Variants in RBFOX1 observed in about 807,000 individuals in gnomAD.
RBFOX1 encodes RNA binding fox-1 homolog 1, also known as RNA binding protein fox-1 homolog 1.
RBFOX1 carries 8 observed loss-of-function variants against 57.7 expected under a neutral mutation model. The ratio of observed to expected loss-of-function variants is 0.14; its 90% CI spans 0.08 to 0.25. The LOEUF (loss-of-function observed/expected upper bound fraction) is 0.25, where lower values mean the gene tolerates loss of function less well. RBFOX1 is among the 10% of genes least tolerant of loss of function. The pLI, the probability that RBFOX1 is intolerant of heterozygous loss-of-function variation, is 1.00. For missense variants in RBFOX1, 611 were observed against 548.5 expected, an observed-to-expected ratio of 1.11 and a Z score of -1.14; for synonymous variants, 326 against 222.4, an observed-to-expected ratio of 1.47 and a Z score of -4.15.
rs147997035 is a variant in RBFOX1, at chr16:7,277,013, C to G, written c.27+224915C>G. Among the ~76,000 whole-genome samples, 798 of 152,276 alleles carry G rather than the reference C, an allele frequency of 5.2e-3. 10 individuals carry two copies. Among genetic ancestry groups the G allele is most frequent in the African/African-American group, 0.018 (747 of 41,548 alleles). ...AGATGGTATAACTTTGCGTCTTTTT[C>G]AAGTTATTTTTACAGAAAGAAATGA... On this transcript the variant is annotated intron_variant, in intron 4 of 15. Coordinates refer to ENST00000550418, the MANE Select transcript of RBFOX1 (RefSeq NM_018723.4).
chr16:5,784,680 A>C (rs963980461), intron 3 of RBFOX1, among the ~76,000 whole-genome samples: 3 of 152,168 alleles, frequency 2.0e-5, no homozygotes, highest in Non-Finnish European at 4.4e-5. Context: ...ACACAGATCG[A>C]AATCATGTCA....
In RBFOX1 at chr16:7,518,133, T is replaced by C; in HGVS notation, c.28-14T>C. ...TGACGTTCTCTCCCTCTCTGCACCT[T>C]TTTGATTTTTCAGGGTAATCAGGAA... On this transcript the variant is annotated splice_polypyrimidine_tract_variant and intron_variant, in intron 4 of 15. Transcript: ENST00000550418. The C allele has an allele frequency of 6.2e-7, 1 of 1,605,508 alleles. No homozygotes were observed. Among genetic ancestry groups the C allele is most frequent in the Non-Finnish European group, 8.5e-7 (1 of 1,175,400 alleles).
At chr16:5,478,599 C>A (rs1435951738) in intron 2 of RBFOX1, among the ~76,000 whole-genome samples, 1 of 152,152 alleles carries the variant, frequency 6.6e-6, no homozygotes, top group Admixed American at 6.5e-5. Context: ...TCTAATATGA[C>A]CCCCCAAGAT....
Position 5,649,603 on chromosome 16 carries a change from C to T in RBFOX1, c.318+50642C>T, listed in dbSNP as rs143129599. 1.2e-4 allele frequency among the ~76,000 whole-genome samples: 19 copies of T among 152,310 alleles called. 1 individual carries two copies. The highest frequency in any genetic ancestry group is 2.2e-4 in the Non-Finnish European group (15 of 68,024). On this transcript the variant is annotated intron_variant, in intron 3 of 19. Transcript: ENST00000641259. ...TCCCATCGTCTCCCTCTCTCATTTC[C>T]CTTTCTTCCCTGAGAGATGCAGCCT...
intron 14 of RBFOX1, among the ~76,000 whole-genome samples, chr16:7,695,404 C>G (rs2078477333): frequency 6.6e-6 from 1 of 151,814 alleles, no homozygotes; most frequent in African/African-American, 2.4e-5. Context: ...GCTGAAAAAA[C>G]CTGCTTTGGG....
intron 4 of RBFOX1, among the ~76,000 whole-genome samples, chr16:7,436,771 T>G (rs536555961): frequency 6.6e-6 from 1 of 152,238 alleles, no homozygotes; most frequent in East Asian, 1.9e-4. Context: ...TAACATATTT[T>G]AAAATCTCAG....
chr16:5,920,886 T>C (rs1449584850), intron 4 of RBFOX1, among the ~76,000 whole-genome samples: 2 of 118,956 alleles, frequency 1.7e-5, no homozygotes, highest in Non-Finnish European at 3.8e-5. Flanking sequence ...AGACACTTCC[T>C]GCCCAATGGA....
chr16:7,692,599 T>A (rs895528679), intron 14 of RBFOX1, among the ~76,000 whole-genome samples: 1 of 152,176 alleles, frequency 6.6e-6, no homozygotes, highest in Admixed American at 6.6e-5. Context: ...ACTCAGACGA[T>A]CTTATTTGTA....
At chr16:6,751,063 G>T (rs1338257484) in intron 3 of RBFOX1, among the ~76,000 whole-genome samples, 1 of 152,176 alleles carries the variant, frequency 6.6e-6, no homozygotes. Flanking sequence ...AAGGAGATCA[G>T]GGTGGCAAAG....
chr16:7,521,345 G>A (rs2077475538), intron 5 of RBFOX1, among the ~76,000 whole-genome samples: 1 of 152,188 alleles, frequency 6.6e-6, no homozygotes, highest in African/African-American at 2.4e-5. Context: ...CCAATAAGGA[G>A]TTGAAATTCC....
At chr16:6,211,523 C>T (rs1488585466) in intron 1 of RBFOX1, among the ~76,000 whole-genome samples, 1 of 152,128 alleles carries the variant, frequency 6.6e-6, no homozygotes, top group Non-Finnish European at 1.5e-5. Context: ...CCACCTCGCC[C>T]AGCCAATCTA....
At chr16:6,290,340 G>A (rs767003598) in intron 1 of RBFOX1, among the ~76,000 whole-genome samples, 4 of 150,878 alleles carry the variant, frequency 2.7e-5, no homozygotes, top group Non-Finnish European at 5.9e-5. Context: ...AGGAAAATGA[G>A]GGGAAGACAT....
intron 1 of RBFOX1, among the ~76,000 whole-genome samples, chr16:6,185,294 T>TA (rs2097098026): frequency 6.6e-6 from 1 of 152,226 alleles, no homozygotes; most frequent in Admixed American, 6.5e-5. Context: ...CTATATTTGC[T>TA]ATAATTTCTT....
At chr16:6,559,676 A>G (rs115369538) in intron 2 of RBFOX1, among the ~76,000 whole-genome samples, 1,627 of 152,284 alleles carry the variant, frequency 0.011, 36 homozygotes, top group African/African-American at 0.038. Flanking sequence ...ACAAATAAGT[A>G]CATAGGTATA....
chr16:5,788,616 G>A (rs2054589579), intron 3 of RBFOX1, among the ~76,000 whole-genome samples: 1 of 152,152 alleles, frequency 6.6e-6, no homozygotes, highest in Non-Finnish European at 1.5e-5. Context: ...GTGACAGAGC[G>A]AGACTTAGTC....
chr16:6,599,961 C>T (rs1490490045), intron 2 of RBFOX1, among the ~76,000 whole-genome samples: 2 of 152,146 alleles, frequency 1.3e-5, no homozygotes, highest in Non-Finnish European at 2.9e-5. Flanking sequence ...CAGTCCATAA[C>T]TCACAGTAAG....
chr16:6,827,849 G>A (rs1168957897), intron 3 of RBFOX1, among the ~76,000 whole-genome samples: 3 of 152,200 alleles, frequency 2.0e-5, no homozygotes, highest in Admixed American at 1.3e-4. Flanking sequence ...AGGTCCTTCT[G>A]TTCCCCCTCT....
At chr16:6,904,880 C>A (rs116525334) in intron 3 of RBFOX1, among the ~76,000 whole-genome samples, 1 of 152,100 alleles carries the variant, frequency 6.6e-6, no homozygotes, top group South Asian at 2.1e-4. Flanking sequence ...CTCTCTATTA[C>A]ACTTTTCTAC....
At chr16:5,901,819 C>G (rs2058311455) in intron 4 of RBFOX1, among the ~76,000 whole-genome samples, 1 of 152,214 alleles carries the variant, frequency 6.6e-6, no homozygotes, top group Admixed American at 6.5e-5. Flanking sequence ...AGGATTTCCA[C>G]CTAATGCTTT....
Sources: gnomAD v4.1 joint callset for allele counts (sites outside exome capture counted in the v4.1 genomes callset) on GRCh38, gnomAD v4.1.1 for gene constraint, MANE v1.5 for transcripts, NCBI Gene and HGNC (gene_info 2026-07-23, HGNC 2026-07-21) for gene names.